VPS13B: variants seen among roughly 807,000 people sequenced by gnomAD.
VPS13B encodes the protein intermembrane lipid transfer protein VPS13B.
A neutral mutation model predicts 426.4 loss-of-function variants in VPS13B; 285 were observed. The observed-to-expected ratio is 0.67, with a 90% confidence interval of 0.61 to 0.74. The LOEUF (loss-of-function observed/expected upper bound fraction) is 0.74, where lower values mean the gene tolerates loss of function less well. Ranked by LOEUF, VPS13B falls within the 30% of genes least tolerant of loss-of-function variation. The pLI, the probability that VPS13B is intolerant of heterozygous loss-of-function variation, is 0.00. For missense variants in VPS13B, 4,537 were observed against 4,782.6 expected, an observed-to-expected ratio of 0.95 and a Z score of 1.51; for synonymous variants, 1,676 against 1,676.4, an observed-to-expected ratio of 1.00 and a Z score of 0.01.
chr8:99,087,124 G>A (rs553245657), intron 3 of VPS13B, among the ~76,000 whole-genome samples: 11 of 152,272 alleles, frequency 7.2e-5, no homozygotes, highest in South Asian at 4.1e-4. Flanking sequence ...CTTCCAGGCC[G>A]CTTTGTTTAC....
chr8:99,766,091 T>G (rs1811208590), intron 39 of VPS13B, among the ~76,000 whole-genome samples: 3 of 146,396 alleles, frequency 2.0e-5, no homozygotes, highest in Non-Finnish European at 3.0e-5. Context: ...TTTTTTTTTT[T>G]TTGAGGCAGA....
chr8:99,469,910 T>C (rs1217136863), intron 24 of VPS13B, among the ~76,000 whole-genome samples: 5 of 152,130 alleles, frequency 3.3e-5, no homozygotes, highest in Non-Finnish European at 5.9e-5. Flanking sequence ...GAAGCAAAGA[T>C]TGAACTAGTG....
At chr8:99,703,891 C>CT (rs1304470607) in intron 36 of VPS13B, among the ~76,000 whole-genome samples, 1 of 152,096 alleles carries the variant, frequency 6.6e-6, no homozygotes, top group Non-Finnish European at 1.5e-5. Context: ...GAACTTTAGG[C>CT]TGCCTTGCTC....
chr8:99,497,600 T>C (rs913948555), intron 25 of VPS13B, among the ~76,000 whole-genome samples: 1 of 151,922 alleles, frequency 6.6e-6, no homozygotes, highest in Non-Finnish European at 1.5e-5. Context: ...CCAGTAACTG[T>C]TGAACATACA....
intron 33 of VPS13B, among the ~76,000 whole-genome samples, chr8:99,628,867 T>C (rs979648414): frequency 2.6e-5 from 4 of 152,018 alleles, no homozygotes; most frequent in African/African-American, 7.2e-5. Context: ...AACCTTAGAC[T>C]CCTAAGCTCA....
rs570564884 is a variant in VPS13B, at chr8:99,590,585, C to T, written c.5220+12952C>T. Among the ~76,000 whole-genome samples the T allele has an allele frequency of 1.8e-4, 27 of 152,190 alleles. No homozygotes were observed. The East Asian group carries it at 4.4e-3, about 25-fold the overall frequency. On this transcript the variant is annotated intron_variant, in intron 33 of 61. Coordinates refer to ENST00000357162, the MANE Select transcript of VPS13B (RefSeq NM_152564.5). ...AACATCTTTATTTCTGCCTTCATTT[C>T]GTTATTTACCAAGTAGTCATTCAGG...
chr8:99,212,442 G>T (rs1588144975), intron 17 of VPS13B, among the ~76,000 whole-genome samples: 2 of 152,144 alleles, frequency 1.3e-5, no homozygotes, highest in African/African-American at 2.4e-5. Flanking sequence ...TGGAAAGTGT[G>T]CTGTGAGCCT....
At chr8:99,360,176 T>TTCTCTCTC (rs1812454298) in intron 19 of VPS13B, among the ~76,000 whole-genome samples, 1 of 42,202 alleles carries the variant, frequency 2.4e-5, no homozygotes, top group African/African-American at 1.2e-4. Flanking sequence ...CTTTCTTTCT[T>TTCTCTCTC]TCTTTCTTTC....
chr8:99,536,622 T>G (rs754590999), intron 30 of VPS13B: 1 of 534,076 alleles, frequency 1.9e-6, no homozygotes, highest in South Asian at 1.4e-5. Context: ...CATTATCCTT[T>G]AACTGAATTG....
chr8:99,301,367 C>T (rs1315998300), intron 19 of VPS13B, among the ~76,000 whole-genome samples: 1 of 149,956 alleles, frequency 6.7e-6, no homozygotes, highest in Non-Finnish European at 1.5e-5. Context: ...AATCTCGGCT[C>T]ACCGCAACCT....
At chr8:99,451,343 T>A (rs1295017155) in intron 23 of VPS13B, among the ~76,000 whole-genome samples, 1 of 152,208 alleles carries the variant, frequency 6.6e-6, no homozygotes, top group African/African-American at 2.4e-5. Context: ...TCCCATTCAT[T>A]CAACAAATAC....
At chr8:99,859,746 ATG>A (rs1249586483) in intron 57 of VPS13B, among the ~76,000 whole-genome samples, 3 of 152,206 alleles carry the variant, frequency 2.0e-5, no homozygotes, top group Non-Finnish European at 2.9e-5. Context: ...ATTGGCTCAA[ATG>A]TTATTTCATG....
chr8:99,423,124 C>T (rs919797154), intron 21 of VPS13B, among the ~76,000 whole-genome samples: 1 of 151,968 alleles, frequency 6.6e-6, no homozygotes, highest in Non-Finnish European at 1.5e-5. Flanking sequence ...CCTTTCCTTT[C>T]TTTCTTTTTT....
At chr8:99,624,429 C>T (rs932046477) in intron 33 of VPS13B, among the ~76,000 whole-genome samples, 7 of 151,974 alleles carry the variant, frequency 4.6e-5, no homozygotes, top group African/African-American at 1.7e-4. Context: ...CAGTAAAAAC[C>T]ATAGTTGGAA....
chr8:99,308,661 G>A (rs1820777166), intron 19 of VPS13B, among the ~76,000 whole-genome samples: 1 of 152,156 alleles, frequency 6.6e-6, no homozygotes, highest in African/African-American at 2.4e-5. Flanking sequence ...TGTCTTTATA[G>A]CAGCATGATT....
At chr8:99,056,886 T>C (rs1266419788) in intron 3 of VPS13B, among the ~76,000 whole-genome samples, 1 of 152,236 alleles carries the variant, frequency 6.6e-6, no homozygotes, top group East Asian at 1.9e-4. Context: ...TAGATTCCTT[T>C]GTATTTCTTT....
intron 30 of VPS13B, among the ~76,000 whole-genome samples, chr8:99,523,050 G>A (rs1339938701): frequency 1.3e-5 from 2 of 152,174 alleles, no homozygotes; most frequent in Non-Finnish European, 2.9e-5. Context: ...CACATATTAT[G>A]TGATTCCATT....
chr8:99,587,268 T>A (rs1826353565), intron 33 of VPS13B, among the ~76,000 whole-genome samples: 1 of 152,196 alleles, frequency 6.6e-6, no homozygotes, highest in Non-Finnish European at 1.5e-5. Context: ...TTGTGAATAG[T>A]GCCACAATAA....
chr8:99,547,292 A>C (rs1402532084), intron 30 of VPS13B, among the ~76,000 whole-genome samples: 1 of 151,920 alleles, frequency 6.6e-6, no homozygotes, highest in Admixed American at 6.6e-5. Flanking sequence ...GATGGAACTC[A>C]GCATTTGTTT....
Sources: allele counts gnomAD v4.1 joint callset (sites outside exome capture counted in the v4.1 genomes callset), GRCh38; gene constraint gnomAD v4.1.1; transcripts MANE v1.5; gene names NCBI Gene and HGNC (gene_info 2026-07-23, HGNC 2026-07-21).